The following RABGAP1L variants were observed in gnomAD, a reference collection of about 807,000 sequenced individuals.
RABGAP1L encodes the protein RAB GTPase activating protein 1 like, also known as rab GTPase-activating protein 1-like.
RABGAP1L carries 63 observed loss-of-function variants against 137.7 expected under a neutral mutation model. That is an observed-to-expected ratio of 0.46 (90% CI 0.37 to 0.56). RABGAP1L has a LOEUF of 0.56. Ranked by LOEUF, RABGAP1L falls within the 20% of genes least tolerant of loss-of-function variation. The pLI is 0.00. For missense variants in RABGAP1L, 1,095 were observed against 1,244.0 expected, an observed-to-expected ratio of 0.88 and a Z score of 1.80; for synonymous variants, 431 against 433.7, an observed-to-expected ratio of 0.99 and a Z score of 0.08.
intron 19 of RABGAP1L, among the ~76,000 whole-genome samples, chr1:174,925,354 C>CAAAAAAAAAAAAAAAA (rs545791515): frequency 3.7e-5 from 2 of 54,776 alleles, no homozygotes; most frequent in Non-Finnish European, 3.8e-5. Context: ...GACTCCGTCT[C>CAAAAAAAAAAAAAAAA]AAAAAAAAAA....
At chr1:174,607,424 A>T (rs1670871883) in intron 13 of RABGAP1L, among the ~76,000 whole-genome samples, 1 of 152,070 alleles carries the variant, frequency 6.6e-6, no homozygotes, top group Non-Finnish European at 1.5e-5. Flanking sequence ...CTTTTGCCCC[A>T]CTTAGCCCAG....
chr1:174,649,281 G>A (rs191689750), intron 14 of RABGAP1L, among the ~76,000 whole-genome samples: 3 of 152,210 alleles, frequency 2.0e-5, no homozygotes, highest in African/African-American at 4.8e-5. Flanking sequence ...AGTTAATGCA[G>A]CATTTTCATA....
In RABGAP1L at chr1:174,370,463, C is replaced by CTTTTT. The variant is rs1183875194; in HGVS notation, c.1466-496_1466-492dup. Among the ~76,000 whole-genome samples, 30 of 37,870 alleles carry CTTTTT rather than the reference C, an allele frequency of 7.9e-4. 1 individual carries two copies. Among genetic ancestry groups the CTTTTT allele is most frequent in the African/African-American group, 2.9e-3 (25 of 8,740 alleles). The allele number at this position is 37,870 out of a possible 152,430, so 24.8% of individuals were successfully genotyped here. ...TCAATTTTCCTTTAGTTAAAAATAC[C>CTTTTT]TTTTTTTTTTTTTTTTTTTTTTTTA... is the stretch of plus-strand genomic sequence containing the variant. On this transcript the variant is annotated intron_variant, in intron 11 of 25. Coordinates refer to ENST00000681986, the MANE Select transcript of RABGAP1L (RefSeq NM_001366446.1).
At chr1:174,459,727 C>T (rs552590228) in intron 13 of RABGAP1L, among the ~76,000 whole-genome samples, 242 of 152,028 alleles carry the variant, frequency 1.6e-3, no homozygotes, top group South Asian at 2.1e-3. Context: ...TTGGTTGAAT[C>T]GATGGATGTG....
At chr1:174,169,763 C>A (rs1665194866) in intron 1 of RABGAP1L, among the ~76,000 whole-genome samples, 1 of 152,136 alleles carries the variant, frequency 6.6e-6, no homozygotes, top group Non-Finnish European at 1.5e-5. Flanking sequence ...GGTCATAGCT[C>A]ATTGCAGCCT....
At chr1:174,553,085 T>C (rs1225840621) in intron 13 of RABGAP1L, among the ~76,000 whole-genome samples, 1 of 152,216 alleles carries the variant, frequency 6.6e-6, no homozygotes, top group East Asian at 1.9e-4. Flanking sequence ...GTTGTTTTTT[T>C]CTTATAAATT....
chr1:174,657,802 T>A (rs1251597691), intron 14 of RABGAP1L, among the ~76,000 whole-genome samples: 5 of 152,158 alleles, frequency 3.3e-5, no homozygotes, highest in African/African-American at 9.7e-5. Flanking sequence ...GTAGTTTTTT[T>A]AGGAAACTCC....
intron 13 of RABGAP1L, among the ~76,000 whole-genome samples, chr1:174,522,389 C>A (rs1428623183): frequency 6.6e-6 from 1 of 152,028 alleles, no homozygotes; most frequent in Non-Finnish European, 1.5e-5. Flanking sequence ...CTAGCCTAGG[C>A]TATATGGCGA....
At chr1:174,635,277 G>T (rs572185992) in intron 13 of RABGAP1L, among the ~76,000 whole-genome samples, 27 of 152,060 alleles carry the variant, frequency 1.8e-4, no homozygotes, top group Non-Finnish European at 1.3e-4. Flanking sequence ...TTATCCTGCG[G>T]GCCAATAGGC....
intron 19 of RABGAP1L, chr1:174,922,392 G>T: frequency 5.3e-6 from 1 of 187,950 alleles, no homozygotes; most frequent in South Asian, 1.1e-4. Flanking sequence ...GACAGCATGT[G>T]GCTGCAGCTC....
intron 18 of RABGAP1L, among the ~76,000 whole-genome samples, chr1:174,805,500 CTTATT>C (rs1159384146): frequency 2.0e-5 from 3 of 151,896 alleles, no homozygotes; most frequent in African/African-American, 7.2e-5. Context: ...TTTATTAGTT[CTTATT>C]TTATTTTATT....
At chr1:174,436,804 T>C (rs2149215151) in intron 13 of RABGAP1L, among the ~76,000 whole-genome samples, 1 of 152,256 alleles carries the variant, frequency 6.6e-6, no homozygotes, top group Non-Finnish European at 1.5e-5. Context: ...GTAGCCTAAT[T>C]GGGAGGCAAC....
chr1:174,928,643 T>A (rs562166229), intron 19 of RABGAP1L, among the ~76,000 whole-genome samples: 139 of 152,158 alleles, frequency 9.1e-4, no homozygotes, highest in Non-Finnish European at 1.7e-3. Context: ...GTCTACTGAT[T>A]GAGGGAAAAG....
chr1:174,656,513 G>T (rs1259531660), intron 14 of RABGAP1L, among the ~76,000 whole-genome samples: 2 of 152,176 alleles, frequency 1.3e-5, no homozygotes, highest in African/African-American at 4.8e-5. Flanking sequence ...AGAATTTACA[G>T]AGTTGTGCAA....
intron 11 of RABGAP1L, among the ~76,000 whole-genome samples, chr1:174,308,783 C>T (rs1678543201): frequency 6.6e-6 from 1 of 151,966 alleles, no homozygotes; most frequent in South Asian, 2.1e-4. Flanking sequence ...TAGCATTGCA[C>T]TAGATTTTGA....
intron 13 of RABGAP1L, among the ~76,000 whole-genome samples, chr1:174,563,523 C>T (rs1242497076): frequency 6.6e-6 from 1 of 151,992 alleles, no homozygotes; most frequent in African/African-American, 2.4e-5. Flanking sequence ...TTAAAACTTG[C>T]AAGGACTAAA....
chr1:174,451,293 T>C (rs1655412441), intron 13 of RABGAP1L, among the ~76,000 whole-genome samples: 1 of 152,230 alleles, frequency 6.6e-6, no homozygotes, highest in Non-Finnish European at 1.5e-5. Context: ...TTGGGAATCG[T>C]ATTTTTATTT....
At chr1:174,848,540 G>A (rs1203668383) in intron 19 of RABGAP1L, among the ~76,000 whole-genome samples, 21 of 148,918 alleles carry the variant, frequency 1.4e-4, no homozygotes, top group South Asian at 6.3e-4. Flanking sequence ...TAGGCTGCTC[G>A]GGGGTCAGGG....
intron 11 of RABGAP1L, among the ~76,000 whole-genome samples, chr1:174,348,282 CA>C (rs1682639672): frequency 7.1e-6 from 1 of 140,074 alleles, no homozygotes. Flanking sequence ...TAGGTTGGTG[CA>C]AAAGTAATCG....
Sources: gnomAD v4.1 joint callset for allele counts (sites outside exome capture counted in the v4.1 genomes callset) on GRCh38, gnomAD v4.1.1 for gene constraint, MANE v1.5 for transcripts, NCBI Gene and HGNC (gene_info 2026-07-23, HGNC 2026-07-21) for gene names.